The following SGCD variants were observed in gnomAD, a reference collection of about 807,000 sequenced individuals.
SGCD encodes delta-sarcoglycan.
A neutral mutation model predicts 36.6 loss-of-function variants in SGCD; 18 were observed. The ratio of observed to expected loss-of-function variants is 0.49; its 90% confidence interval spans 0.34 to 0.73. SGCD has a LOEUF of 0.73. Among genes scored for constraint, SGCD ranks in the 30% least tolerant of loss-of-function variants. The pLI, the probability that SGCD is intolerant of heterozygous loss-of-function variation, is 0.01. For missense variants in SGCD, 387 were observed against 346.7 expected, an observed-to-expected ratio of 1.12 and a Z score of -0.92; for synonymous variants, 133 against 130.6, an observed-to-expected ratio of 1.02 and a Z score of -0.12.
At chr5:156,495,852 C>T (rs1756161900) in intron 3 of SGCD, among the ~76,000 whole-genome samples, 1 of 152,138 alleles carries the variant, frequency 6.6e-6, no homozygotes, top group Non-Finnish European at 1.5e-5. Flanking sequence ...CTCTCATTTT[C>T]TTCCCGTCAG....
intron 4 of SGCD, among the ~76,000 whole-genome samples, chr5:156,577,094 A>G (rs1434686167): frequency 6.6e-6 from 1 of 152,154 alleles, no homozygotes; most frequent in East Asian, 1.9e-4. Flanking sequence ...TAATTTTTCT[A>G]TAAAGTGTAA....
chr5:156,599,365 A>C (rs970057696), intron 6 of SGCD, among the ~76,000 whole-genome samples: 1 of 149,102 alleles, frequency 6.7e-6, no homozygotes, highest in Admixed American at 6.6e-5. Flanking sequence ...TTTAGTTTCC[A>C]TTTGTATAGA....
chr5:156,137,184 G>T (rs1752076582), intron 3 of SGCD, among the ~76,000 whole-genome samples: 1 of 152,190 alleles, frequency 6.6e-6, no homozygotes, highest in African/African-American at 2.4e-5. Context: ...AGTGGGATGG[G>T]TGACCAAATA....
intron 1 of SGCD, among the ~76,000 whole-genome samples, chr5:155,938,633 A>T (rs1383779674): frequency 6.6e-6 from 1 of 152,208 alleles, no homozygotes; most frequent in Non-Finnish European, 1.5e-5. Context: ...ATAAGCTAGT[A>T]GCTGTTCCCC....
chr5:156,504,392 GTATA>G (rs59580975), intron 3 of SGCD, among the ~76,000 whole-genome samples: 5,944 of 74,848 alleles, frequency 0.079, 307 homozygotes, highest in African/African-American at 0.16. Flanking sequence ...GTGTGTGTGT[GTATA>G]TATATATATA....
intron 3 of SGCD, among the ~76,000 whole-genome samples, chr5:156,305,983 G>T (rs1337985070): frequency 6.6e-6 from 1 of 152,180 alleles, no homozygotes; most frequent in African/African-American, 2.4e-5. Context: ...TACCCCCATT[G>T]TATCTAGGAA....
chr5:155,813,940 C>G, the SGCD span, among the ~76,000 whole-genome samples: 1 of 152,190 alleles, frequency 6.6e-6, no homozygotes, highest in East Asian at 1.9e-4. Context: ...TTCATTCTTT[C>G]AGCCCTCCGG....
intron 3 of SGCD, among the ~76,000 whole-genome samples, chr5:156,470,892 C>T (rs1480178909): frequency 7.9e-5 from 12 of 152,106 alleles, no homozygotes; most frequent in Admixed American, 6.5e-4. Flanking sequence ...GAAGGAAAAC[C>T]TTAATGACTA....
At chr5:156,280,162 T>C (rs1329966881) in intron 3 of SGCD, among the ~76,000 whole-genome samples, 1 of 152,130 alleles carries the variant, frequency 6.6e-6, no homozygotes, top group African/African-American at 2.4e-5. Flanking sequence ...GTTTTAATGA[T>C]AATTAAAAAA....
chr5:155,963,788 T>C (rs1022193353), intron 1 of SGCD, among the ~76,000 whole-genome samples: 7 of 152,094 alleles, frequency 4.6e-5, no homozygotes, highest in African/African-American at 1.7e-4. Flanking sequence ...ATTTTAAAAA[T>C]AAAAGTTTAG....
intron 2 of SGCD, among the ~76,000 whole-genome samples, chr5:156,119,857 C>G (rs1761992055): frequency 6.6e-6 from 1 of 152,102 alleles, no homozygotes; most frequent in South Asian, 2.1e-4. Flanking sequence ...GGTTCACACT[C>G]TGCCATCAGA....
intron 1 of SGCD, among the ~76,000 whole-genome samples, chr5:156,021,691 A>G (rs17053140): frequency 0.05 from 7,585 of 152,116 alleles, 589 homozygotes; most frequent in African/African-American, 0.17. Context: ...GGTTGGAGGT[A>G]GCGGAAACGG....
intron 1 of SGCD, among the ~76,000 whole-genome samples, chr5:155,972,502 G>A (rs560593730): frequency 3.9e-5 from 6 of 152,164 alleles, no homozygotes; most frequent in African/African-American, 1.4e-4. Flanking sequence ...TACTCTTGTA[G>A]TCAAACCTTT....
chr5:155,728,807 C>G, the SGCD span, among the ~76,000 whole-genome samples: 1,451 of 152,308 alleles, frequency 9.5e-3, 31 homozygotes, highest in African/African-American at 0.033. Context: ...GATGCGCCCC[C>G]ACCCGGGCGG....
upstream of SGCD, among the ~76,000 whole-genome samples, chr5:155,866,962 T>C (rs140163873): frequency 4.7e-3 from 715 of 152,146 alleles, 3 homozygotes; most frequent in African/African-American, 0.016. Flanking sequence ...TAAGCTCAAC[T>C]GTGAGGACTT....
intron 3 of SGCD, among the ~76,000 whole-genome samples, chr5:156,406,584 T>A (rs1184152669): frequency 6.6e-6 from 1 of 151,846 alleles, no homozygotes; most frequent in East Asian, 1.9e-4. Context: ...TTCCCTGACC[T>A]TCCCCAGGAA....
intron 6 of SGCD, among the ~76,000 whole-genome samples, chr5:156,644,035 A>C (rs1763139506): frequency 6.6e-6 from 1 of 152,154 alleles, no homozygotes; most frequent in African/African-American, 2.4e-5. Flanking sequence ...ATCAGGAAAA[A>C]ATTTACCAAA....
chr5:156,386,022 C>T (rs1983099), intron 3 of SGCD, among the ~76,000 whole-genome samples: 23,563 of 152,138 alleles, frequency 0.15, 1,924 homozygotes, highest in South Asian at 0.22. Flanking sequence ...ATCCAGATCT[C>T]CTATCAGGTA....
chr5:156,428,791 CA>C (rs1180412470), intron 3 of SGCD, among the ~76,000 whole-genome samples: 1 of 152,006 alleles, frequency 6.6e-6, no homozygotes, highest in Non-Finnish European at 1.5e-5. Flanking sequence ...ATTGTTGACC[CA>C]AACATCATTC....
Sources: gnomAD v4.1 joint callset for allele counts (sites outside exome capture counted in the v4.1 genomes callset) on GRCh38, gnomAD v4.1.1 for gene constraint, MANE v1.5 for transcripts, NCBI Gene and HGNC (gene_info 2026-07-23, HGNC 2026-07-21) for gene names.